The following ENOX2 variants were observed in gnomAD, a reference collection of about 807,000 sequenced individuals.
The protein encoded by ENOX2 is APK1 antigen.
ENOX2 carries 36 observed loss-of-function variants against 45.0 expected under a neutral mutation model. The ratio of observed to expected loss-of-function variants is 0.80; its 90% CI spans 0.61 to 1.06. ENOX2 has a LOEUF of 1.06. ENOX2 is among the 50% of genes least tolerant of loss of function. The pLI, the probability that ENOX2 is intolerant of heterozygous loss-of-function variation, is 0.00. For missense variants in ENOX2, 423 were observed against 462.5 expected, an observed-to-expected ratio of 0.91 and a Z score of 0.78; for synonymous variants, 174 against 152.3, an observed-to-expected ratio of 1.14 and a Z score of -1.05.
chrX:130,770,092 T>A (rs757917734), intron 3 of ENOX2, among the ~76,000 whole-genome samples: 4 of 111,668 alleles, frequency 3.6e-5, no homozygotes, highest in African/African-American at 1.3e-4. Context: ...CAGCTGGTGA[T>A]ACGATGTTAG....
At chrX:130,814,201 C>T (rs948952323) in intron 2 of ENOX2, among the ~76,000 whole-genome samples, 1 of 112,431 alleles carries the variant, frequency 8.9e-6, no homozygotes, top group African/African-American at 3.2e-5. Context: ...TAGCTTCCTC[C>T]TCTCTGGGAA....
intron 2 of ENOX2, among the ~76,000 whole-genome samples, chrX:130,815,321 C>T (rs1407052130): frequency 8.9e-6 from 1 of 112,344 alleles, no homozygotes; most frequent in Admixed American, 9.4e-5. Flanking sequence ...TTGCAAAACA[C>T]TCTTCAGGAT....
At chrX:130,894,258 T>C (rs891314100) in intron 2 of ENOX2, among the ~76,000 whole-genome samples, 5 of 110,462 alleles carry the variant, frequency 4.5e-5, no homozygotes, top group African/African-American at 1.7e-4. Flanking sequence ...TTGGGTCAAA[T>C]GGTATTTCTG....
At chrX:130,785,925 A>G in intron 2 of ENOX2, among the ~76,000 whole-genome samples, 1 of 112,562 alleles carries the variant, frequency 8.9e-6, no homozygotes, top group Admixed American at 9.4e-5. Flanking sequence ...TTGGTTTCAT[A>G]ATGTGTAAAA....
chrX:130,651,854 T>C (rs1161433430), intron 10 of ENOX2, among the ~76,000 whole-genome samples: 1 of 112,001 alleles, frequency 8.9e-6, no homozygotes, highest in Non-Finnish European at 1.9e-5. Context: ...CTCTCTAAAG[T>C]AAACGCTACT....
chrX:130,774,571 A>T (rs1055186395), intron 3 of ENOX2, among the ~76,000 whole-genome samples: 1 of 112,308 alleles, frequency 8.9e-6, no homozygotes, highest in South Asian at 3.7e-4. Context: ...ATTAGCTATT[A>T]GTAGTAGTAG....
At chrX:130,652,288 C>CT (rs2036423946) in intron 10 of ENOX2, among the ~76,000 whole-genome samples, 1 of 112,143 alleles carries the variant, frequency 8.9e-6, no homozygotes, top group Non-Finnish European at 1.9e-5. Context: ...CTCAGAACTG[C>CT]TTTTTTCTAA....
chrX:130,637,930 T>C (rs1200545201), intron 10 of ENOX2, among the ~76,000 whole-genome samples: 5 of 111,582 alleles, frequency 4.5e-5, no homozygotes, highest in Non-Finnish European at 9.4e-5. Context: ...GTTAGCAGGC[T>C]GGAAAGCAAA....
intron 2 of ENOX2, among the ~76,000 whole-genome samples, chrX:130,871,774 C>T (rs1484182670): frequency 1.8e-5 from 2 of 110,814 alleles, no homozygotes; most frequent in African/African-American, 6.6e-5. Context: ...CTCCCTTACA[C>T]CTTCTTTTCT....
At chrX:130,837,183 T>C (rs1394677523) in intron 2 of ENOX2, among the ~76,000 whole-genome samples, 2 of 112,426 alleles carry the variant, frequency 1.8e-5, no homozygotes, top group Non-Finnish European at 3.8e-5. Context: ...TCAATTTTCA[T>C]TAATGGATTT....
intron 3 of ENOX2, among the ~76,000 whole-genome samples, chrX:130,734,570 G>C (rs2038816827): frequency 9.0e-6 from 1 of 111,662 alleles, no homozygotes; most frequent in Admixed American, 9.5e-5. Flanking sequence ...GGGTAATTGG[G>C]CATCAATTTA....
At position 130,622,740 on chromosome X, in the gene ENOX2, T is replaced by C. The variant is rs2035457597; in HGVS notation, c.*2574A>G. 8.9e-6 allele frequency among the ~76,000 whole-genome samples: 1 copy of C among 112,042 alleles called. No homozygotes were observed. Among genetic ancestry groups the C allele is most frequent in the African/African-American group, 3.2e-5 (1 of 30,849 alleles). ...GATGGATGAAAAGGTTTGTGAGAGA[T>C]GGTATGTGCCACAATTTGATTGTGT... On this transcript the variant is annotated 3_prime_UTR_variant, in exon 15 of 15. Transcript: ENST00000394363.
intron 2 of ENOX2, among the ~76,000 whole-genome samples, chrX:130,872,844 T>C (rs758346002): frequency 8.9e-6 from 1 of 111,900 alleles, no homozygotes; most frequent in East Asian, 2.8e-4. Flanking sequence ...GCTAGCCATA[T>C]GCAGAAAACT....
At chrX:130,871,464 G>A (rs1449650208) in intron 2 of ENOX2, among the ~76,000 whole-genome samples, 1 of 110,729 alleles carries the variant, frequency 9.0e-6, no homozygotes, top group East Asian at 2.9e-4. Flanking sequence ...AATATATAAC[G>A]CCCAATCAAA....
chrX:130,665,735 C>A lies in ENOX2; in HGVS notation c.922G>T (p.Ala308Ser). ...TGCTTGGAGGCGGAATGGTACACAG[C>A]CACTATCTGCTCAACTGCAGCATCA... The part of the protein sequence containing the change: ...GILIQFEQIV[A>S]VYHSASKQKA... Residue 308 changes from alanine (A) to serine (S), a missense_variant, in exon 9 of 15, where the codon GCT (alanine) becomes TCT (serine). By Grantham distance (99) the Ala-to-Ser change is moderately conservative (BLOSUM62 1). Coordinates refer to ENST00000394363, the MANE Select transcript of ENOX2 (RefSeq NM_006375.4). 8.4e-7 allele frequency: 1 copy of A among 1,188,545 alleles called. No homozygotes were observed. The highest frequency in any genetic ancestry group is 1.1e-6 in the Non-Finnish European group (1 of 877,823).
chrX:130,665,939 G>A (rs769102695), intron 8 of ENOX2, among the ~76,000 whole-genome samples, 190 bp from the exon 9 acceptor site: 13 of 111,281 alleles, frequency 1.2e-4, no homozygotes, highest in African/African-American at 4.2e-4. Context: ...TAAAGGAGAC[G>A]CAAAGGAAAA....
At chrX:130,842,121 C>T (rs12007391) in intron 2 of ENOX2, among the ~76,000 whole-genome samples, 206 of 112,714 alleles carry the variant, frequency 1.8e-3, no homozygotes, top group African/African-American at 6.1e-3. Context: ...TAAAGCCAGC[C>T]GTAATGCCGT....
At chrX:130,854,711 T>C (rs12558870) in intron 2 of ENOX2, among the ~76,000 whole-genome samples, 1,913 of 111,488 alleles carry the variant, frequency 0.017, 40 homozygotes, top group Admixed American at 0.078. Flanking sequence ...TATATAAGAA[T>C]AATCATACAT....
At chrX:130,902,693 C>G in intron 1 of ENOX2, among the ~76,000 whole-genome samples, 1 of 106,725 alleles carries the variant, frequency 9.4e-6, no homozygotes, top group Non-Finnish European at 1.9e-5. Flanking sequence ...GAATTAGAGT[C>G]CAGTCACCGC....
Sources: allele counts gnomAD v4.1 joint callset (sites outside exome capture counted in the v4.1 genomes callset), GRCh38; gene constraint gnomAD v4.1.1; transcripts MANE v1.5; gene names NCBI Gene and HGNC (gene_info 2026-07-23, HGNC 2026-07-21).